The following IFT122 variants were observed in gnomAD, a reference collection of about 807,000 sequenced individuals.
IFT122 encodes the protein intraflagellar transport 122.
A neutral mutation model predicts 161.6 loss-of-function variants in IFT122; 118 were observed. The ratio of observed to expected loss-of-function variants is 0.73; its 90% CI spans 0.63 to 0.85. The LOEUF is 0.85. Among genes scored for constraint, IFT122 ranks in the 40% least tolerant of loss-of-function variants. The pLI, the probability that IFT122 is intolerant of heterozygous loss-of-function variation, is 0.00. For missense variants in IFT122, 1,381 were observed against 1,579.6 expected (o/e 0.87, Z 2.13); for synonymous variants, 550 against 602.4 (o/e 0.91, Z 1.27).
chr3:129,441,010 G>A (rs1309761429), intron 1 of IFT122, among the ~76,000 whole-genome samples: 1 of 152,180 alleles, frequency 6.6e-6, no homozygotes, highest in Admixed American at 6.5e-5. Context: ...TGCTCAAAAT[G>A]AGCACCAAAC....
chr3:129,481,996 ACT>A (rs1253868486), intron 14 of IFT122, among the ~76,000 whole-genome samples: 2 of 152,184 alleles, frequency 1.3e-5, no homozygotes, highest in Non-Finnish European at 2.9e-5. Context: ...TGGGGCAATG[ACT>A]CTGAGAGGGG....
At chr3:129,463,336 C>G (rs2076377993) in intron 5 of IFT122, 1 of 505,312 alleles carries the variant, frequency 2.0e-6, no homozygotes, top group Non-Finnish European at 3.6e-6. Flanking sequence ...ATCTCCAAAC[C>G]CTGGTAACCA....
At chr3:129,483,408 G>A (rs1235862305) in intron 14 of IFT122, 77 bp from the exon 15 acceptor site, 15 of 1,186,596 alleles carry the variant, frequency 1.3e-5, no homozygotes, top group Middle Eastern at 1.9e-4. Flanking sequence ...CTTTAAGAGG[G>A]TATTGGGCTG....
intron 27 of IFT122, among the ~76,000 whole-genome samples, chr3:129,518,874 A>T (rs958324666): frequency 6.6e-6 from 1 of 152,026 alleles, no homozygotes; most frequent in East Asian, 1.9e-4. Flanking sequence ...TGTGCTTCCC[A>T]CTGGCCCTGG....
intron 26 of IFT122, among the ~76,000 whole-genome samples, chr3:129,516,983 G>A (rs2083920109): frequency 1.0e-5 from 1 of 97,450 alleles, no homozygotes; most frequent in East Asian, 3.2e-4. Flanking sequence ...CACACAGACT[G>A]CCCCTGCACA....
intron 13 of IFT122, 76 bp from the exon 14 acceptor site, chr3:129,481,454 G>C (rs2078632881): frequency 1.5e-6 from 2 of 1,349,344 alleles, no homozygotes; most frequent in Non-Finnish European, 2.1e-6. Context: ...GAGCACATGG[G>C]ATTCCAACGG....
intron 9 of IFT122, chr3:129,476,074 G>T: frequency 1.8e-6 from 1 of 544,602 alleles, no homozygotes; most frequent in Non-Finnish European, 3.3e-6. Flanking sequence ...CACTTGGGTG[G>T]GACTAGGGGA....
chr3:129,458,179 C>T (rs1242213606), intron 3 of IFT122, among the ~76,000 whole-genome samples: 3 of 152,086 alleles, frequency 2.0e-5, no homozygotes, highest in Non-Finnish European at 4.4e-5. Flanking sequence ...TATTATTTGT[C>T]AAAAATAAAA....
chr3:129,477,304 A>G (rs1176359719), intron 11 of IFT122, among the ~76,000 whole-genome samples: 4 of 152,198 alleles, frequency 2.6e-5, no homozygotes, highest in Non-Finnish European at 5.9e-5. Flanking sequence ...TAGTCATTCT[A>G]AGCCCTAAGA....
chr3:129,446,507 G>A (rs1034672328), intron 1 of IFT122, among the ~76,000 whole-genome samples: 3 of 152,060 alleles, frequency 2.0e-5, no homozygotes, highest in Admixed American at 1.3e-4. Context: ...GAGCCACCGC[G>A]CCCGGCCGAC....
chr3:129,507,434 C>A (rs1041402877), intron 22 of IFT122, among the ~76,000 whole-genome samples: 2 of 152,244 alleles, frequency 1.3e-5, no homozygotes, highest in African/African-American at 2.4e-5. Context: ...TATCCTCAAA[C>A]TCCCTGGCCT....
intron 2 of IFT122, among the ~76,000 whole-genome samples, chr3:129,450,499 C>T (rs150297599): frequency 6.6e-6 from 1 of 151,900 alleles, no homozygotes; most frequent in East Asian, 1.9e-4. Flanking sequence ...TCTACTTCCT[C>T]TTCTCTGTTG....
intron 24 of IFT122, chr3:129,513,969 AG>A (rs1191529009): frequency 2.8e-6 from 1 of 352,930 alleles, no homozygotes; most frequent in Non-Finnish European, 5.6e-6. Context: ...GCCTCAGAGC[AG>A]GGTTGAGGGT....
chr3:129,474,462 T>C (rs1372373405), intron 9 of IFT122, among the ~76,000 whole-genome samples: 1 of 152,156 alleles, frequency 6.6e-6, no homozygotes, highest in Non-Finnish European at 1.5e-5. Flanking sequence ...GGGGCAGACC[T>C]GATTAACCCT....
At chr3:129,494,220 T>C (rs12638398) in intron 17 of IFT122, among the ~76,000 whole-genome samples, 1 of 151,980 alleles carries the variant, frequency 6.6e-6, no homozygotes, top group Admixed American at 6.5e-5. Context: ...TTGTTTGTTT[T>C]TTTTTTGCAG....
intron 9 of IFT122, among the ~76,000 whole-genome samples, chr3:129,473,101 G>A (rs2077534177): frequency 6.6e-6 from 1 of 152,140 alleles, no homozygotes; most frequent in African/African-American, 2.4e-5. Flanking sequence ...AGGAGTTCAA[G>A]ACTAGCCTGG....
At chr3:129,449,729 A>C in intron 1 of IFT122, 142 bp from the exon 2 acceptor site, 1 of 699,260 alleles carries the variant, frequency 1.4e-6, no homozygotes, top group South Asian at 1.5e-5. Context: ...TGGAATTTGC[A>C]ACAAATGCAA....
intron 21 of IFT122, among the ~76,000 whole-genome samples, 183 bp from the exon 22 acceptor site, chr3:129,506,226 T>G (rs2082174408): frequency 6.6e-6 from 1 of 152,192 alleles, no homozygotes; most frequent in Admixed American, 6.5e-5. Flanking sequence ...TCACTGTACT[T>G]TTTCCAGGAT....
At chr3:129,454,897 G>A (rs1346159975) in intron 3 of IFT122, among the ~76,000 whole-genome samples, 2 of 152,160 alleles carry the variant, frequency 1.3e-5, no homozygotes, top group Non-Finnish European at 1.5e-5. Context: ...GCAGCAAGGG[G>A]ACTCTTATCT....
Sources: gnomAD v4.1 joint callset for allele counts (sites outside exome capture counted in the v4.1 genomes callset) on GRCh38, gnomAD v4.1.1 for gene constraint, MANE v1.5 for transcripts, NCBI Gene and HGNC (gene_info 2026-07-23, HGNC 2026-07-21) for gene names.